The following ENTPD1 variants were observed in gnomAD, a reference collection of about 807,000 sequenced individuals.
ENTPD1 encodes the protein ATP diphosphohydrolase.
A neutral mutation model predicts 57.0 loss-of-function variants in ENTPD1; 33 were observed. That is an observed-to-expected ratio of 0.58 (90% CI 0.44 to 0.77). The LOEUF is 0.77. Ranked by LOEUF, ENTPD1 falls within the 30% of genes least tolerant of loss-of-function variation. ENTPD1 has a pLI of 0.00. For missense variants in ENTPD1, 501 were observed against 603.4 expected (o/e 0.83, Z 1.78); for synonymous variants, 202 against 218.8 (o/e 0.92, Z 0.68).
the ENTPD1 span, among the ~76,000 whole-genome samples, chr10:95,702,868 C>T: frequency 4.6e-5 from 7 of 152,194 alleles, no homozygotes; most frequent in Admixed American, 1.3e-4. Context: ...CTGCAAACTC[C>T]GCCTCTGGGT....
At chr10:95,695,105 T>C in the ENTPD1 span, among the ~76,000 whole-genome samples, 1 of 152,006 alleles carries the variant, frequency 6.6e-6, no homozygotes, top group Non-Finnish European at 1.5e-5. Flanking sequence ...GGTTTCACCA[T>C]GTTGTCCAGG....
intron 1 of ENTPD1, among the ~76,000 whole-genome samples, chr10:95,796,839 G>C (rs2098228123): frequency 6.6e-6 from 1 of 152,080 alleles, no homozygotes; most frequent in African/African-American, 2.4e-5. Flanking sequence ...AATTATTTGG[G>C]AGGCTATGGA....
intron 7 of ENTPD1, among the ~76,000 whole-genome samples, chr10:95,855,271 T>C (rs966174588): frequency 7.9e-5 from 12 of 152,276 alleles, no homozygotes; most frequent in African/African-American, 2.6e-4. Flanking sequence ...CCTGCCTTTT[T>C]TTGTTTTCTA....
At chr10:95,801,408 T>C (rs1046822067) in intron 1 of ENTPD1, among the ~76,000 whole-genome samples, 1 of 152,154 alleles carries the variant, frequency 6.6e-6, no homozygotes, top group African/African-American at 2.4e-5. Flanking sequence ...GCTTCAGTCT[T>C]ATGCATATGT....
chr10:95,828,859 C>G (rs1048299477), intron 2 of ENTPD1, among the ~76,000 whole-genome samples: 7 of 152,010 alleles, frequency 4.6e-5, no homozygotes, highest in African/African-American at 1.7e-4. Context: ...TATAGGCACA[C>G]GCCACCACAC....
chr10:95,860,346 T>C, intron 7 of ENTPD1, 123 bp from the exon 8 acceptor site: 1 of 762,460 alleles, frequency 1.3e-6, no homozygotes, highest in South Asian at 1.5e-5. Flanking sequence ...GCAATATCAC[T>C]TTGTGTGTTA....
intron 7 of ENTPD1, among the ~76,000 whole-genome samples, chr10:95,849,524 C>T (rs1204935622): frequency 1.3e-5 from 2 of 152,190 alleles, no homozygotes; most frequent in Non-Finnish European, 2.9e-5. Flanking sequence ...TAGAAGAGAA[C>T]ATAGGCACTG....
upstream of ENTPD1, among the ~76,000 whole-genome samples, chr10:95,751,911 A>G (rs2098012593): frequency 6.6e-6 from 1 of 152,120 alleles, no homozygotes; most frequent in South Asian, 2.1e-4. Context: ...AGAAGTTATG[A>G]CCTAGGTAGA....
Position 95,872,749 on chromosome 10 carries a change from G to A in ENTPD1, c.*6366G>A, listed in dbSNP as rs1380581036. On this transcript the variant is annotated 3_prime_UTR_variant, in exon 10 of 10. Transcript: ENST00000371205. The stretch of plus-strand genomic sequence containing the variant: ...GCCGACTACAAACCCTTCTGTTGCT[G>A]GCGAGCTGGTCCGCACCACTAGTTC... The A allele has an allele frequency of 3.0e-6, 3 of 985,248 alleles. No homozygotes were observed. In the Admixed American group the frequency reaches 1.8e-4, roughly 61 times the overall value. The allele number at this position is 985,248 out of a possible 1,614,324, so 61.0% of individuals were successfully genotyped here. A position where few individuals can be genotyped will look rare whatever the true frequency, so the allele number is the denominator to read the frequency against.
At chr10:95,717,741 C>T (rs928899041) in intron 1 of ENTPD1, among the ~76,000 whole-genome samples, 30 of 152,134 alleles carry the variant, frequency 2.0e-4, no homozygotes, top group Admixed American at 7.9e-4. Flanking sequence ...GGCCGACAAC[C>T]GCTCTTAACT....
intron 1 of ENTPD1, among the ~76,000 whole-genome samples, chr10:95,773,865 G>A (rs1330099424): frequency 6.6e-6 from 1 of 152,136 alleles, no homozygotes; most frequent in Non-Finnish European, 1.5e-5. Flanking sequence ...GGGATTGCTG[G>A]GTCAAATGGT....
chr10:95,736,463 T>A (rs765903131), intron 1 of ENTPD1, among the ~76,000 whole-genome samples: 28 of 152,192 alleles, frequency 1.8e-4, no homozygotes, highest in Non-Finnish European at 3.7e-4. Flanking sequence ...TGAAAATACA[T>A]AAAGAAAAAG....
upstream of ENTPD1, chr10:95,755,766 G>A (rs192954755): frequency 6.0e-3 from 9,260 of 1,536,624 alleles, 37 homozygotes; most frequent in Non-Finnish European, 6.7e-3. Context: ...CGGGTTTCAA[G>A]GTAACAACTT....
intron 7 of ENTPD1, 40 bp from the exon 8 acceptor site, chr10:95,860,429 T>C: frequency 1.3e-6 from 2 of 1,559,572 alleles, no homozygotes; most frequent in East Asian, 2.3e-5. Context: ...GGCATCCCTC[T>C]GTGTGGAACA....
At chr10:95,777,255 C>T (rs1337192088) in intron 1 of ENTPD1, among the ~76,000 whole-genome samples, 1 of 152,302 alleles carries the variant, frequency 6.6e-6, no homozygotes, top group East Asian at 1.9e-4. Flanking sequence ...GGTTTCTCCC[C>T]ATCTTTGTGG....
chr10:95,726,024 C>T (rs1321425411), intron 1 of ENTPD1, among the ~76,000 whole-genome samples: 3 of 152,126 alleles, frequency 2.0e-5, no homozygotes, highest in African/African-American at 7.2e-5. Context: ...CAAGCTGTGT[C>T]CATGTTATGG....
chr10:95,858,156 C>CAAA (rs35825117), intron 7 of ENTPD1, among the ~76,000 whole-genome samples: 4 of 110,054 alleles, frequency 3.6e-5, no homozygotes, highest in African/African-American at 1.3e-4. Flanking sequence ...GACTCCATCT[C>CAAA]AAAAAAAAAA....
At chr10:95,824,556 T>C (rs1216255293) in intron 2 of ENTPD1, among the ~76,000 whole-genome samples, 1 of 152,268 alleles carries the variant, frequency 6.6e-6, no homozygotes, top group Admixed American at 6.5e-5. Flanking sequence ...TGTTGTTTCC[T>C]TGGCAAAACT....
intron 1 of ENTPD1, among the ~76,000 whole-genome samples, chr10:95,815,146 G>C (rs995873920): frequency 6.6e-6 from 1 of 152,152 alleles, no homozygotes; most frequent in South Asian, 2.1e-4. Flanking sequence ...ATGGGGTTGG[G>C]GTAGAATAAG....
Sources: gnomAD v4.1 joint callset for allele counts (sites outside exome capture counted in the v4.1 genomes callset) on GRCh38, gnomAD v4.1.1 for gene constraint, MANE v1.5 for transcripts, NCBI Gene and HGNC (gene_info 2026-07-23, HGNC 2026-07-21) for gene names.